Variants in ZNF609 observed in about 807,000 individuals in gnomAD.
ZNF609 encodes the protein zinc finger protein 609.
ZNF609 carries 11 observed loss-of-function variants against 109.5 expected under a neutral mutation model. That is an observed-to-expected ratio of 0.10 (90% CI 0.06 to 0.17). The LOEUF is 0.17. Among genes scored for constraint, ZNF609 ranks in the 10% least tolerant of loss-of-function variants. The pLI, the probability that ZNF609 is intolerant of heterozygous loss-of-function variation, is 1.00. For missense variants in ZNF609, 1,559 were observed against 1,772.4 expected (o/e 0.88, Z 2.16); for synonymous variants, 646 against 662.0 (o/e 0.98, Z 0.37).
chr15:64,607,480 A>G (rs866935339), intron 2 of ZNF609, among the ~76,000 whole-genome samples: 10 of 149,298 alleles, frequency 6.7e-5, no homozygotes, highest in Admixed American at 4.0e-4. Context: ...TTTTAATGTT[A>G]TTTTAACTAA....
chr15:64,553,968 A>G (rs1040276667), intron 2 of ZNF609, among the ~76,000 whole-genome samples: 14 of 152,210 alleles, frequency 9.2e-5, no homozygotes, highest in African/African-American at 3.4e-4. Context: ...AGTTCTTAGT[A>G]GCTTCTTTTA....
At chr15:64,660,089 C>T (rs1323765285) in intron 3 of ZNF609, among the ~76,000 whole-genome samples, 2 of 152,156 alleles carry the variant, frequency 1.3e-5, no homozygotes, top group African/African-American at 4.8e-5. Flanking sequence ...CCCACCTCAG[C>T]CTCCCAAAAT....
intron 1 of ZNF609, among the ~76,000 whole-genome samples, chr15:64,492,448 G>T (rs748109543): frequency 2.6e-5 from 4 of 152,094 alleles, no homozygotes; most frequent in Non-Finnish European, 5.9e-5. Context: ...TAGATGCCTT[G>T]TGAAAGGTAG....
At chr15:64,653,359 G>GA (rs1896444536) in intron 3 of ZNF609, among the ~76,000 whole-genome samples, 1 of 151,838 alleles carries the variant, frequency 6.6e-6, no homozygotes, top group African/African-American at 2.4e-5. Flanking sequence ...AAACTTCCTG[G>GA]AAGCGCCAGG....
At chr15:64,526,331 C>T (rs1452813668) in intron 2 of ZNF609, among the ~76,000 whole-genome samples, 2 of 151,970 alleles carry the variant, frequency 1.3e-5, no homozygotes, top group Admixed American at 1.3e-4. Context: ...CGTTTGTTGG[C>T]TCTGATATGA....
At chr15:64,607,054 G>A (rs552473236) in intron 2 of ZNF609, among the ~76,000 whole-genome samples, 1 of 152,264 alleles carries the variant, frequency 6.6e-6, no homozygotes, top group Admixed American at 6.5e-5. Flanking sequence ...TGAGGCAGGA[G>A]AATCGCTTGA....
intron 1 of ZNF609, among the ~76,000 whole-genome samples, chr15:64,485,436 TAA>T (rs764625025): frequency 2.1e-4 from 32 of 152,354 alleles, no homozygotes; most frequent in East Asian, 5.8e-4. Context: ...AAATGGAAGA[TAA>T]AGTGTTTGCA....
At chr15:64,645,236 G>A (rs188063277) in intron 3 of ZNF609, among the ~76,000 whole-genome samples, 98 of 151,692 alleles carry the variant, frequency 6.5e-4, no homozygotes, top group African/African-American at 2.3e-3. Context: ...GACTACAGGC[G>A]TGTGCCACCA....
Position 64,588,623 on chromosome 15 carries a change from G to A in ZNF609, c.748-34204G>A, listed in dbSNP as rs866936028. Among the ~76,000 whole-genome samples, 10 of 150,510 alleles carry A rather than the reference G, an allele frequency of 6.6e-5. 1 individual carries two copies. Among genetic ancestry groups the A allele is most frequent in the African/African-American group, 2.2e-4 (9 of 41,030 alleles). ...GCCTCCCATAGTGCTGGAATTACAG[G>A]CATGAACCACCATGCCTGGTCTGTA... On this transcript the variant is annotated intron_variant, in intron 2 of 9. Transcript: ENST00000326648.
At chr15:64,487,154 T>G (rs1893344878) in intron 1 of ZNF609, among the ~76,000 whole-genome samples, 1 of 152,142 alleles carries the variant, frequency 6.6e-6, no homozygotes, top group South Asian at 2.1e-4. Flanking sequence ...TCTGATTAAT[T>G]TTTTTCAGAC....
intron 3 of ZNF609, among the ~76,000 whole-genome samples, chr15:64,655,552 C>A (rs1174613582): frequency 6.6e-6 from 1 of 152,138 alleles, no homozygotes; most frequent in African/African-American, 2.4e-5. Flanking sequence ...ACAGGCTGGG[C>A]ATGGTGGCTC....
At chr15:64,669,159 C>T (rs1002434712) in intron 3 of ZNF609, among the ~76,000 whole-genome samples, 13 of 151,790 alleles carry the variant, frequency 8.6e-5, no homozygotes, top group African/African-American at 3.1e-4. Context: ...GTGGTTTGGC[C>T]GTATTTGTGA....
At chr15:64,497,232 T>C (rs1893494324) in intron 1 of ZNF609, among the ~76,000 whole-genome samples, 1 of 152,228 alleles carries the variant, frequency 6.6e-6, no homozygotes, top group South Asian at 2.1e-4. Context: ...AAGTAGGATC[T>C]ATGTAGACTT....
At chr15:64,529,630 A>C in intron 2 of ZNF609, 1 of 939,820 alleles carries the variant, frequency 1.1e-6, no homozygotes, top group South Asian at 1.3e-5. Flanking sequence ...CCAGGCACCC[A>C]GTACGACCAA....
chr15:64,670,544 G>A, intron 4 of ZNF609, 111 bp downstream of exon 4: 1 of 903,236 alleles, frequency 1.1e-6, no homozygotes, highest in Non-Finnish European at 1.8e-6. Context: ...GGACATGATG[G>A]TATAGATACC....
rs1029442486 is a variant in ZNF609 at position 64,466,146 on chromosome 15, G to A, written c.-128+5308G>A. 1.1e-4 allele frequency among the ~76,000 whole-genome samples: 16 copies of A among 149,688 alleles called. No individual in the cohort carries two copies. In the East Asian group the frequency reaches 3.0e-3, roughly 28 times the overall value. Reference sequence around the variant, plus strand: ...AAAAAAAAAAAAAAAAAAAGTTAGCGGGGGGTATAGCATTTCCTATAACTT... The same window carrying A: ...AAAAAAAAAAAAAAAAAAAGTTAGCAGGGGGTATAGCATTTCCTATAACTT... On this transcript the variant is annotated intron_variant, in intron 1 of 9. Transcript: ENST00000326648.
At chr15:64,563,955 C>T (rs1461394469) in intron 2 of ZNF609, among the ~76,000 whole-genome samples, 4 of 152,064 alleles carry the variant, frequency 2.6e-5, no homozygotes, top group Non-Finnish European at 5.9e-5. Context: ...ACGATCTCTG[C>T]TCACTGCAGC....
At chr15:64,553,036 G>T (rs142788560) in intron 2 of ZNF609, among the ~76,000 whole-genome samples, 1 of 152,118 alleles carries the variant, frequency 6.6e-6, no homozygotes. Context: ...CTCCTGAGCT[G>T]CATTTTCACT....
intron 1 of ZNF609, among the ~76,000 whole-genome samples, chr15:64,462,782 C>G (rs1490770723): frequency 6.6e-6 from 1 of 151,920 alleles, no homozygotes; most frequent in Non-Finnish European, 1.5e-5. Flanking sequence ...GCTCATTGTG[C>G]AAAAGTCTAT....
Sources: allele counts gnomAD v4.1 joint callset (sites outside exome capture counted in the v4.1 genomes callset), GRCh38; gene constraint gnomAD v4.1.1; transcripts MANE v1.5; gene names NCBI Gene and HGNC (gene_info 2026-07-23, HGNC 2026-07-21).